The following VEGFC variants were observed in gnomAD, a reference collection of about 807,000 sequenced individuals.
VEGFC encodes FLT4 ligand DHM.
A neutral mutation model predicts 46.1 loss-of-function variants in VEGFC; 12 were observed. The observed-to-expected ratio is 0.26, with a 90% confidence interval of 0.17 to 0.42. The LOEUF is 0.42. Ranked by LOEUF, VEGFC falls within the 10% of genes least tolerant of loss-of-function variation. The probability of loss-of-function intolerance (pLI) is 1.00; values close to 1 mark genes in which losing one functional copy is unlikely to be tolerated. For missense variants in VEGFC, 488 were observed against 529.4 expected (o/e 0.92, Z 0.77); for synonymous variants, 232 against 195.5 (o/e 1.19, Z -1.56).
chr4:176,726,770 T>A (rs1051948538), intron 3 of VEGFC, among the ~76,000 whole-genome samples: 10 of 152,210 alleles, frequency 6.6e-5, no homozygotes, highest in Non-Finnish European at 1.2e-4. Flanking sequence ...ACCATGTAGA[T>A]CAGCTAAAGT....
chr4:176,706,549 C>A (rs1734537796), intron 4 of VEGFC, among the ~76,000 whole-genome samples: 1 of 140,512 alleles, frequency 7.1e-6, no homozygotes, highest in Non-Finnish European at 1.5e-5. Context: ...TTGCTTGAAC[C>A]CAGGAGGAGG....
rs13136065 is a variant in VEGFC at position 176,688,049 on chromosome 4, G to A, written c.705-122C>T. 350,954 of 538,242 alleles carry A rather than the reference G, an allele frequency of 0.65. 118,369 individuals carry two copies. Among genetic ancestry groups the A allele is most frequent in the South Asian group, 0.71 (21,638 of 30,366 alleles). The allele number at this position is 538,242 out of a possible 1,614,324, so 33.3% of individuals were successfully genotyped here. A position where few individuals can be genotyped will look rare whatever the true frequency, so the allele number is the denominator to read the frequency against. On this transcript the variant is annotated intron_variant, in intron 4 of 6. Coordinates refer to ENST00000618562, the MANE Select transcript of VEGFC (RefSeq NM_005429.5). ...AGCTTTAAAAATATAAGAATTATGA[G>A]ATAAAATGTGAATGTTTTCTCCCAA...
chr4:176,733,872 G>A (rs1373747071), intron 1 of VEGFC, among the ~76,000 whole-genome samples: 1 of 151,744 alleles, frequency 6.6e-6, no homozygotes, highest in African/African-American at 2.4e-5. Flanking sequence ...TTAAAGGGGA[G>A]ACACAACCCT....
At chr4:176,726,179 T>A (rs1220078393) in intron 3 of VEGFC, among the ~76,000 whole-genome samples, 2 of 152,306 alleles carry the variant, frequency 1.3e-5, no homozygotes, top group South Asian at 2.1e-4. Context: ...ATATTATAAT[T>A]TTGGCAACCA....
chr4:176,769,936 A>C (rs1003655533), intron 1 of VEGFC, among the ~76,000 whole-genome samples: 1 of 152,200 alleles, frequency 6.6e-6, no homozygotes, highest in Non-Finnish European at 1.5e-5. Flanking sequence ...ATTATCTGGG[A>C]ATCAAATCTG....
chr4:176,777,918 C>CAAAAAAAAAAA (rs773634012), intron 1 of VEGFC, among the ~76,000 whole-genome samples: 4 of 57,170 alleles, frequency 7.0e-5, no homozygotes, highest in African/African-American at 1.9e-4. Context: ...GACTTTGTCT[C>CAAAAAAAAAAA]AAAAAAAAAA....
intron 1 of VEGFC, among the ~76,000 whole-genome samples, chr4:176,767,704 AT>A (rs34779832): frequency 0.049 from 7,532 of 152,196 alleles, 358 homozygotes; most frequent in African/African-American, 0.1. Context: ...CTTGATAGAG[AT>A]TTTGGTTTTT....
intron 1 of VEGFC, among the ~76,000 whole-genome samples, chr4:176,744,307 C>G (rs979774058): frequency 7.2e-5 from 11 of 151,852 alleles, no homozygotes; most frequent in Admixed American, 6.6e-4. Flanking sequence ...ATACAGAGTG[C>G]TCAGAACATC....
intron 1 of VEGFC, among the ~76,000 whole-genome samples, chr4:176,780,007 G>A (rs1224500050): frequency 6.6e-6 from 1 of 152,170 alleles, no homozygotes; most frequent in Non-Finnish European, 1.5e-5. Context: ...TCTTAAACAT[G>A]TACATCTTTA....
chr4:176,688,075 A>C, intron 4 of VEGFC, 148 bp from the exon 5 acceptor site: 1 of 526,620 alleles, frequency 1.9e-6, no homozygotes, highest in Non-Finnish European at 3.3e-6. Context: ...TTTCTCCCAA[A>C]CTCTCTCTAC....
chr4:176,782,754 A>G (rs190675948), intron 1 of VEGFC, among the ~76,000 whole-genome samples: 3 of 152,288 alleles, frequency 2.0e-5, no homozygotes, highest in Admixed American at 1.3e-4. Flanking sequence ...TAATGTACTT[A>G]CATACTACCT....
chr4:176,740,223 A>AATATATATCTATATATAG (rs1381208876), intron 1 of VEGFC, among the ~76,000 whole-genome samples: 1 of 123,528 alleles, frequency 8.1e-6, no homozygotes, highest in African/African-American at 3.2e-5. Flanking sequence ...CTATATATAG[A>AATATATATCTATATATAG]ATATATAACT....
chr4:176,725,912 TC>T (rs1734867465), intron 3 of VEGFC, among the ~76,000 whole-genome samples: 1 of 152,100 alleles, frequency 6.6e-6, no homozygotes, highest in Non-Finnish European at 1.5e-5. Flanking sequence ...CCTAAGTATT[TC>T]TATTTAATTT....
chr4:176,765,947 G>A (rs994863667), intron 1 of VEGFC, among the ~76,000 whole-genome samples: 5 of 151,766 alleles, frequency 3.3e-5, no homozygotes, highest in African/African-American at 1.2e-4. Flanking sequence ...AAAACAGAGG[G>A]TAATATGGAA....
At chr4:176,716,105 C>T (rs1734693401) in intron 3 of VEGFC, among the ~76,000 whole-genome samples, 1 of 151,968 alleles carries the variant, frequency 6.6e-6, no homozygotes, top group Admixed American at 6.6e-5. Context: ...TTCACATCAG[C>T]CAAGATTTAG....
In VEGFC at chr4:176,780,386, A is replaced by AAAAAAAAAAAAAAAAC. The variant is rs1553997814; in HGVS notation, c.147+11778_147+11779insGTTTTTTTTTTTTTTT. Among the ~76,000 whole-genome samples, 102 of 144,374 alleles carry AAAAAAAAAAAAAAAAC rather than the reference A, an allele frequency of 7.1e-4. 2 individuals carry two copies. In the South Asian group the frequency reaches 7.5e-3, roughly 11 times the overall value. The allele number at this position is 144,374 out of a possible 152,430, so 94.7% of individuals were successfully genotyped here. ...GACAGAGCGAGACTCCATCTCAAAA[A>AAAAAAAAAAAAAAAAC]AAAAAAAAAAAAACTCCTTCTAACC... On this transcript the variant is annotated intron_variant, in intron 1 of 6. Coordinates refer to ENST00000618562, the MANE Select transcript of VEGFC (RefSeq NM_005429.5).
rs778148569 is a variant in VEGFC at position 176,683,922 on chromosome 4, A to G, written c.*4T>C. On this transcript the variant is annotated 3_prime_UTR_variant, in exon 7 of 7. Transcript: ENST00000618562. Reference sequence around the variant, plus strand: ...AAATCGATGAACTGGAAAACAGTACAATCTTAGCTCATTTGTGGTCTTTTC... The same window carrying G: ...AAATCGATGAACTGGAAAACAGTACGATCTTAGCTCATTTGTGGTCTTTTC... The G allele has an allele frequency of 6.2e-7, 1 of 1,607,234 alleles. No homozygotes were observed. Among genetic ancestry groups the G allele is most frequent in the South Asian group, 1.1e-5 (1 of 90,964 alleles).
intron 1 of VEGFC, among the ~76,000 whole-genome samples, chr4:176,773,536 A>G (rs1173366801): frequency 6.6e-6 from 1 of 152,242 alleles, no homozygotes; most frequent in East Asian, 1.9e-4. Flanking sequence ...ATACAAAAAA[A>G]CAGAAGCAGG....
intron 1 of VEGFC, among the ~76,000 whole-genome samples, chr4:176,736,978 A>T (rs906496362): frequency 1.3e-5 from 2 of 151,198 alleles, no homozygotes; most frequent in African/African-American, 2.4e-5. Flanking sequence ...ACAAATGATA[A>T]CTAATGTTTT....
Sources: allele counts gnomAD v4.1 joint callset (sites outside exome capture counted in the v4.1 genomes callset), GRCh38; gene constraint gnomAD v4.1.1; transcripts MANE v1.5; gene names NCBI Gene and HGNC (gene_info 2026-07-23, HGNC 2026-07-21).